The following NOBOX variants were observed in gnomAD, a reference collection of about 807,000 sequenced individuals.
NOBOX encodes the protein NOBOX oogenesis homeobox.
Under a neutral mutation model 60.2 loss-of-function variants are expected in NOBOX, and 46 were observed. The ratio of observed to expected loss-of-function variants is 0.76; its 90% confidence interval spans 0.60 to 0.98. The LOEUF (loss-of-function observed/expected upper bound fraction) is 0.98. Among genes scored for constraint, NOBOX ranks in the 50% least tolerant of loss-of-function variants. The probability of loss-of-function intolerance (pLI) is 0.00; values close to 1 mark genes in which losing one functional copy is unlikely to be tolerated. For synonymous variants in NOBOX, 360 were observed against 346.3 expected (o/e 1.04, Z -0.44); for missense variants, 880 against 865.5 (o/e 1.02, Z -0.21).
chr7:144,401,371 T>C lies in NOBOX; in HGVS notation c.519A>G (p.Leu173=). ...CCTGAGTCTGGGGCCTGGAGCGGGC[T>C]AGAGTTCTGTCTTTGTGGGGAGCCC... The change falls in exon 4 of 10, where the codon CTA becomes CTG. Residue 173 remains leucine (L), a synonymous_variant. Coordinates refer to ENST00000467773, the MANE Select transcript of NOBOX (RefSeq NM_001080413.3). This position sits in a 1 kb window ranked among gnomAD's most constrained non-coding sequence, Gnocchi z 4.2. The C allele has an allele frequency of 1.2e-6, 2 of 1,613,796 alleles. No homozygotes were observed. The highest frequency in any genetic ancestry group is 1.7e-6 in the Non-Finnish European group (2 of 1,179,826).
At position 144,399,100 on chromosome 7, in the gene NOBOX, G is replaced by A. The variant is rs1272477626; in HGVS notation, c.1319C>T (p.Pro440Leu). Reference sequence around the variant, plus strand: ...CACAGGTGGGGGGCTGAAGAGTGGGGGGGTCACCACCCTCTGAGCACCCTC... The same window carrying A: ...CACAGGTGGGGGGCTGAAGAGTGGGAGGGTCACCACCCTCTGAGCACCCTC... Residue 440 changes from proline to leucine, a missense_variant, in exon 8 of 10, where the codon CCC becomes CTC. Transcript: ENST00000467773. The A allele has an allele frequency of 1.6e-6, 2 of 1,268,794 alleles. No individual in the cohort carries two copies. Among genetic ancestry groups the A allele is most frequent in the East Asian group, 2.3e-5 (1 of 43,166 alleles). The allele number at this position is 1,268,794 out of a possible 1,614,324, so 78.6% of individuals were successfully genotyped here. A position where few individuals can be genotyped will look rare whatever the true frequency, so the allele number is the denominator to read the frequency against.
chr7:144,399,544 A>G, intron 6 of NOBOX, 62 bp from the exon 5 acceptor site: 1 of 1,385,842 alleles, frequency 7.2e-7, no homozygotes, highest in Non-Finnish European at 1.0e-6. Flanking sequence ...CAGGTGCCTC[A>G]TTGCCAGGAG....
At chr7:144,409,027 T>G (rs1366508724) in intron 1 of NOBOX, among the ~76,000 whole-genome samples, 1 of 152,194 alleles carries the variant, frequency 6.6e-6, no homozygotes, top group African/African-American at 2.4e-5. Context: ...AAAGTGTATA[T>G]GGAATCCCTG....
At chr7:144,399,300 A>C in intron 7 of NOBOX, 97 bp downstream of exon 5, 2 of 1,029,988 alleles carry the variant, frequency 1.9e-6, no homozygotes, top group Middle Eastern at 2.0e-4. Flanking sequence ...TGGCTGAAAC[A>C]CTGGAGGACT....
In NOBOX at chr7:144,397,516, A is replaced by G. The variant is rs1163985469; in HGVS notation, c.1800T>C (p.Cys600=). 6.5e-7 allele frequency: 1 copy of G among 1,535,106 alleles called. No individual in the cohort carries two copies. Among genetic ancestry groups the G allele is most frequent in the Admixed American group, 2.0e-5 (1 of 50,866 alleles). ...GACCAGGGAAGGGCAGCTCTGGCAAACAGGGGTCACTCCAGGAGGCTGTAC... is the reference window on the plus strand; with the variant it reads ...GACCAGGGAAGGGCAGCTCTGGCAAGCAGGGGTCACTCCAGGAGGCTGTAC... The change falls in exon 10 of 10, where the codon TGT becomes TGC. Residue 600 remains cysteine (C), a synonymous_variant. Coordinates refer to ENST00000467773, the MANE Select transcript of NOBOX (RefSeq NM_001080413.3).
Position 144,404,491 on chromosome 7 carries a change from T to TTTTGTATTTTTAGTAGAGACGGG in NOBOX, c.210+64_210+65insCCCGTCTCTACTAAAAATACAAA. The TTTTGTATTTTTAGTAGAGACGGG allele has an allele frequency of 2.1e-6, 3 of 1,411,124 alleles. No individual in the cohort carries two copies. In the South Asian group the frequency reaches 3.6e-5, roughly 17 times the overall value. The allele number at this position is 1,411,124 out of a possible 1,614,324, so 87.4% of individuals were successfully genotyped here. On this transcript the variant is annotated intron_variant, in intron 2 of 9. Coordinates refer to ENST00000467773, the MANE Select transcript of NOBOX (RefSeq NM_001080413.3). ...CTAGAACTCCTGACTTCAAGTTATC[T>TTTTGTATTTTTAGTAGAGACGGG]GCCCGCCTGGGCTTCCCAAACTGCT...
At chr7:144,407,224 T>A (rs1255765767) in intron 1 of NOBOX, among the ~76,000 whole-genome samples, 3 of 152,166 alleles carry the variant, frequency 2.0e-5, no homozygotes, top group African/African-American at 4.8e-5. Flanking sequence ...TCTCCCTCTC[T>A]CTCTATAATG....
rs1275549136 is a variant in NOBOX at position 144,399,044 on chromosome 7, G to T, written c.1375C>A (p.Pro459Thr). ...GGCATCAGTTGGGGGGTGTGGACAGGGCCAAGGGGGAAAGGAAGATCGGCC... is the reference window on the plus strand; with the variant it reads ...GGCATCAGTTGGGGGGTGTGGACAGTGCCAAGGGGGAAAGGAAGATCGGCC... Residue 459 changes from proline to threonine, a missense_variant, in exon 8 of 10, where the codon CCT (proline) becomes ACT (threonine). Transcript: ENST00000467773. The T allele has an allele frequency of 6.3e-7, 1 of 1,599,964 alleles. No individual in the cohort carries two copies. The highest frequency in any genetic ancestry group is 8.5e-7 in the Non-Finnish European group (1 of 1,172,040).
chr7:144,404,950 C>G (rs576127624), intron 1 of NOBOX, among the ~76,000 whole-genome samples: 1 of 152,050 alleles, frequency 6.6e-6, no homozygotes, highest in South Asian at 2.1e-4. Flanking sequence ...CGGCCTGGAA[C>G]AGAATCCAGG....
rs560698637 is a variant in NOBOX, at chr7:144,397,620, C to G, written c.1775-79G>C. 19 of 1,243,106 alleles carry G rather than the reference C, an allele frequency of 1.5e-5. No individual in the cohort carries two copies. In the East Asian group the frequency reaches 4.9e-4, roughly 32 times the overall value. 77.0% of individuals were successfully genotyped at this position (1,243,106 alleles called of 1,614,324 possible). On this transcript the variant is annotated intron_variant, in intron 9 of 9. Transcript: ENST00000467773. ...TCATTAACAGTGTTCTACAACAGAT[C>G]CCCCCGTGCCCCAACACACATAGAC... is the stretch of plus-strand genomic sequence containing the variant.
At chr7:144,397,130 C>T (rs1480564963), downstream of NOBOX, 3 of 908,706 alleles carry the variant, frequency 3.3e-6, no homozygotes, top group Admixed American at 5.8e-5. Context: ...TCTAACTCTC[C>T]CCTCAGTCTA....
intron 1 of NOBOX, among the ~76,000 whole-genome samples, chr7:144,408,809 G>A (rs1451956802): frequency 6.6e-6 from 1 of 152,204 alleles, no homozygotes; most frequent in Non-Finnish European, 1.5e-5. Context: ...GTGGCTGTGA[G>A]TTCAAAAGCG....
rs1310552061 is a variant in NOBOX, at chr7:144,398,278, T to A, written c.1774+4A>T. 1 of 1,536,930 alleles carries A rather than the reference T, an allele frequency of 6.5e-7. No individual in the cohort carries two copies. The highest frequency in any genetic ancestry group is 8.7e-7 in the Non-Finnish European group (1 of 1,146,872). On this transcript the variant is annotated splice_donor_region_variant and intron_variant, in intron 9 of 9. Transcript: ENST00000467773. ...GGGGACCTTCTCTCCCAGCCTCAAC[T>A]CACCTATATTCCCAGCAGGTGGTTG...
At position 144,400,218 on chromosome 7, in the gene NOBOX, G is replaced by A. The variant is rs912729134; in HGVS notation, c.939C>T (p.Pro313=). The change falls in exon 5 of 10, where the codon CCC becomes CCT. Residue 313 remains proline, a synonymous_variant. Transcript: ENST00000467773. ...CGGCCCCCTTTACCATGATGCGCTG[G>A]GGGGTCACCCCCACCGTCTGGGCAA... The A allele has an allele frequency of 6.2e-7, 1 of 1,614,044 alleles. No individual in the cohort carries two copies.
intron 1 of NOBOX, among the ~76,000 whole-genome samples, chr7:144,408,528 C>A (rs1167445606): frequency 6.6e-6 from 1 of 152,204 alleles, no homozygotes; most frequent in Non-Finnish European, 1.5e-5. Flanking sequence ...TGAATTCTAA[C>A]AACCTATGAA....
At position 144,401,463 on chromosome 7, in the gene NOBOX, GCTT is replaced by G. The variant is rs1295577839; in HGVS notation, c.424_426del (p.Lys142del). 8 of 1,583,784 alleles carry G rather than the reference GCTT, an allele frequency of 5.1e-6. No individual in the cohort carries two copies. The highest frequency in any genetic ancestry group is 1.2e-5 in the South Asian group (1 of 85,230). On this transcript the variant is annotated inframe_deletion, in exon 4 of 10. Transcript: ENST00000467773. This position sits in a 1 kb window ranked among gnomAD's most constrained non-coding sequence, Gnocchi z 4.2. ...GTGGCTTCTCCAGAGACTGCTGGCG[GCTT>G]CTTCTCTCCTGAGATGGTGCAGGAG... is the stretch of plus-strand genomic sequence containing the variant.
Position 144,397,431 on chromosome 7 carries a change from A to G in NOBOX, c.1885T>C (p.Phe629Leu). The stretch of plus-strand genomic sequence containing the variant: ...AGAGCCTGGGGGCAGGGAGTTGGAA[A>G]TAGATCAGGAAAGTAGCCATCCCCT... Residue 629 changes from phenylalanine to leucine, a missense_variant, in exon 10 of 10, where the codon TTT becomes CTT. Transcript: ENST00000467773. 1 of 1,537,204 alleles carries G rather than the reference A, an allele frequency of 6.5e-7. No individual in the cohort carries two copies. Among genetic ancestry groups the G allele is most frequent in the East Asian group, 2.4e-5 (1 of 40,904 alleles).
At chr7:144,399,537 G>A in intron 6 of NOBOX, 55 bp from the exon 5 acceptor site, 2 of 1,415,046 alleles carry the variant, frequency 1.4e-6, no homozygotes, top group South Asian at 1.2e-5. Context: ...ATTTGCACAG[G>A]TGCCTCATTG....
At chr7:144,399,708 A>G in intron 6 of NOBOX, 49 bp downstream of exon 4, 2 of 1,467,578 alleles carry the variant, frequency 1.4e-6, no homozygotes, top group Middle Eastern at 3.4e-4. Context: ...CCCAGCTTGG[A>G]CCCCACTTCT....
Sources: gnomAD v4.1 joint callset for allele counts (sites outside exome capture counted in the v4.1 genomes callset) on GRCh38, gnomAD v4.1.1 for gene constraint, Gnocchi (gnomAD v3.1) non-coding constraint, MANE v1.5 for transcripts, NCBI Gene and HGNC (gene_info 2026-07-23, HGNC 2026-07-21) for gene names.